Variants in PARVG observed in about 807,000 individuals in gnomAD.
PARVG encodes the protein parvin gamma.
PARVG carries 36 observed loss-of-function variants against 44.4 expected under a neutral mutation model. The observed-to-expected ratio is 0.81, with a 90% confidence interval of 0.62 to 1.07. The LOEUF (loss-of-function observed/expected upper bound fraction) is 1.07, where lower values mean the gene tolerates loss of function less well. PARVG is among the 50% of genes least tolerant of loss of function. The probability of loss-of-function intolerance (pLI) is 0.00; values close to 1 mark genes in which losing one functional copy is unlikely to be tolerated. For synonymous variants in PARVG, 170 were observed against 174.1 expected, an observed-to-expected ratio of 0.98 and a Z score of 0.19; for missense variants, 407 against 407.4, an observed-to-expected ratio of 1.00 and a Z score of 0.01.
At chr22:44,203,982 T>C (rs548613316) in intron 12 of PARVG, among the ~76,000 whole-genome samples, 20 of 152,324 alleles carry the variant, frequency 1.3e-4, no homozygotes, top group African/African-American at 4.8e-4. Flanking sequence ...GTAGCTGGGA[T>C]TACAGGCACG....
intron 4 of PARVG, chr22:44,186,743 T>C: frequency 2.2e-6 from 1 of 447,470 alleles, no homozygotes; most frequent in Non-Finnish European, 4.6e-6. Context: ...ATCCCAGGGG[T>C]CATGGGAGGG....
At chr22:44,189,617 C>CA (rs1268268703) in intron 6 of PARVG, among the ~76,000 whole-genome samples, 2 of 152,134 alleles carry the variant, frequency 1.3e-5, no homozygotes, top group African/African-American at 2.4e-5. Context: ...CCTGCTTATA[C>CA]AAAAAATGAG....
intron 11 of PARVG, among the ~76,000 whole-genome samples, chr22:44,198,111 T>G (rs148781364): frequency 1.1e-3 from 165 of 152,378 alleles, no homozygotes; most frequent in African/African-American, 3.8e-3. Flanking sequence ...CGAATGGCAG[T>G]TCCTTCCAAT....
chr22:44,187,811 C>G lies in PARVG; in HGVS notation c.180C>G (p.Pro60=). The change falls in exon 5 of 14, where the codon CCC becomes CCG. Residue 60 remains proline, a synonymous_variant. Coordinates refer to ENST00000444313, the MANE Select transcript of PARVG (RefSeq NM_022141.7). The part of the protein sequence containing the change: ...LMEWINATLL[P]EHIVVRSLEE... The stretch of plus-strand genomic sequence containing the variant: ...AGTGGATCAATGCCACTCTTCTCCC[C>G]GAGCACATTGTGGTCCGCAGCCTGG... 1.2e-6 allele frequency: 2 copies of G among 1,614,234 alleles called. No homozygotes were observed. Among genetic ancestry groups the G allele is most frequent in the Non-Finnish European group, 1.7e-6 (2 of 1,180,034 alleles).
Position 44,198,613 on chromosome 22 carries a change from C to A in PARVG, c.712-8C>A, listed in dbSNP as rs768004211. 4 of 1,604,910 alleles carry A rather than the reference C, an allele frequency of 2.5e-6. No homozygotes were observed. Among genetic ancestry groups the A allele is most frequent in the South Asian group, 2.2e-5 (2 of 90,900 alleles). ...CCATGTGATTGTCTCCAGTTCCTTC[C>A]TTTGTAGTTTGCAGATGGGGTCATC... On this transcript the variant is annotated splice_polypyrimidine_tract_variant and splice_region_variant and intron_variant, in intron 11 of 13. Transcript: ENST00000444313.
intron 8 of PARVG, among the ~76,000 whole-genome samples, chr22:44,192,350 G>T (rs1235087098): frequency 6.6e-6 from 1 of 152,224 alleles, no homozygotes; most frequent in Non-Finnish European, 1.5e-5. Flanking sequence ...TTTCTAGGGT[G>T]GGGGCCCCTG....
chr22:44,193,378 T>C (rs901240336), intron 8 of PARVG, among the ~76,000 whole-genome samples: 1 of 151,588 alleles, frequency 6.6e-6, no homozygotes, highest in Admixed American at 6.6e-5. Flanking sequence ...GTGGTCAGCG[T>C]AGGGAGGGAG....
At chr22:44,200,206 G>T (rs1022749524) in intron 12 of PARVG, among the ~76,000 whole-genome samples, 1 of 152,152 alleles carries the variant, frequency 6.6e-6, no homozygotes, top group Non-Finnish European at 1.5e-5. Context: ...CTTCCTACCA[G>T]GTAGGCCTGG....
chr22:44,183,482 A>C, intron 3 of PARVG, 74 bp downstream of exon 3: 2 of 1,382,418 alleles, frequency 1.4e-6, no homozygotes, highest in Non-Finnish European at 1.9e-6. Context: ...CATGCCTGGG[A>C]CTTGCAGCAC....
chr22:44,192,001 C>A lies in PARVG; in HGVS notation c.505-48C>A, dbSNP rs752992603. On this transcript the variant is annotated intron_variant, in intron 7 of 13. Transcript: ENST00000444313. ...CGGATCACTGGGGCTTCTTTGGGCCCCAGAGTTTTCTGGATTATTTAATTT... is the reference window on the plus strand; with the variant it reads ...CGGATCACTGGGGCTTCTTTGGGCCACAGAGTTTTCTGGATTATTTAATTT... The A allele has an allele frequency of 6.2e-6, 10 of 1,604,310 alleles. No individual in the cohort carries two copies. In the East Asian group the frequency reaches 2.2e-4, roughly 36 times the overall value.
chr22:44,189,189 T>C lies in PARVG; in HGVS notation c.323T>C (p.Val108Ala). The C allele has an allele frequency of 6.2e-7, 1 of 1,614,106 alleles. No individual in the cohort carries two copies. Among genetic ancestry groups the C allele is most frequent in the Non-Finnish European group, 8.5e-7 (1 of 1,180,000 alleles). ...TATSQKHKLT[V>A]VLEAVNRSLQ... The stretch of plus-strand genomic sequence containing the variant: ...ACAAGCCAGAAGCACAAGCTCACAG[T>C]GGTGCTGGAGGCCGTGAACCGGAGT... Residue 108 changes from valine (V) to alanine (A), a missense_variant, in exon 6 of 14, where the codon GTG (valine) becomes GCG (alanine). Physicochemically the swap from Val to Ala is moderately conservative, Grantham distance 64. Coordinates refer to ENST00000444313, the MANE Select transcript of PARVG (RefSeq NM_022141.7).
chr22:44,176,913 C>G (rs4823118), upstream of PARVG, among the ~76,000 whole-genome samples: 15,767 of 152,076 alleles, frequency 0.1, 1,623 homozygotes, highest in African/African-American at 0.25. Flanking sequence ...TTTAGGTGAA[C>G]TGTCCTTTAT....
intron 3 of PARVG, 99 bp downstream of exon 3, chr22:44,183,507 G>A: frequency 8.3e-7 from 1 of 1,205,142 alleles, no homozygotes; most frequent in Non-Finnish European, 1.1e-6. Flanking sequence ...CCAGCTGTCA[G>A]CTGAGCGCCC....
intron 8 of PARVG, among the ~76,000 whole-genome samples, chr22:44,192,659 C>G (rs2054565477): frequency 6.6e-6 from 1 of 150,830 alleles, no homozygotes; most frequent in Non-Finnish European, 1.5e-5. Flanking sequence ...GCATGGCCAC[C>G]TGCTCCCCAC....
At chr22:44,201,877 C>T (rs2054714798) in intron 12 of PARVG, among the ~76,000 whole-genome samples, 1 of 152,222 alleles carries the variant, frequency 6.6e-6, no homozygotes, top group South Asian at 2.1e-4. Context: ...CGCTTTCCTC[C>T]TGGCAATGGC....
chr22:44,192,201 G>T, intron 8 of PARVG, 97 bp downstream of exon 8: 2 of 1,386,690 alleles, frequency 1.4e-6, no homozygotes, highest in Non-Finnish European at 2.0e-6. Context: ...ACCTTTGTGG[G>T]AAGGGCCCTC....
At chr22:44,181,555 C>T (rs1458426063) in intron 1 of PARVG, 187 bp from the exon 2 acceptor site, 3 of 571,008 alleles carry the variant, frequency 5.3e-6, no homozygotes, top group Non-Finnish European at 6.6e-6. Flanking sequence ...GAACAGCCTG[C>T]GGGGAAACTG....
intron 5 of PARVG, 186 bp downstream of exon 5, chr22:44,188,064 G>C (rs1338643369): frequency 1.6e-6 from 1 of 641,800 alleles, no homozygotes; most frequent in Non-Finnish European, 2.7e-6. Flanking sequence ...CCATGAGTGA[G>C]GGGGCCGAGC....
intron 12 of PARVG, among the ~76,000 whole-genome samples, chr22:44,201,260 T>C (rs1157000570): frequency 6.6e-6 from 1 of 152,148 alleles, no homozygotes; most frequent in East Asian, 1.9e-4. Context: ...TTGCCTCTCC[T>C]GGCCCTCTCC....
Sources: gnomAD v4.1 joint callset for allele counts (sites outside exome capture counted in the v4.1 genomes callset) on GRCh38, gnomAD v4.1.1 for gene constraint, MANE v1.5 for transcripts, NCBI Gene and HGNC (gene_info 2026-07-23, HGNC 2026-07-21) for gene names.